RNF150: variants seen among roughly 807,000 people sequenced by gnomAD.
RNF150 encodes the protein ring finger protein 150.
In RNF150, 24 loss-of-function variants were observed where a neutral mutation model predicts 39.3. The ratio of observed to expected loss-of-function variants is 0.61; its 90% CI spans 0.44 to 0.86. The LOEUF (loss-of-function observed/expected upper bound fraction) is 0.86, where lower values mean the gene tolerates loss of function less well. Among genes scored for constraint, RNF150 ranks in the 40% least tolerant of loss-of-function variants. The pLI, the probability that RNF150 is intolerant of heterozygous loss-of-function variation, is 0.00. For missense variants in RNF150, 502 were observed against 587.8 expected, an observed-to-expected ratio of 0.85 and a Z score of 1.51; for synonymous variants, 255 against 227.3, an observed-to-expected ratio of 1.12 and a Z score of -1.10.
At position 140,861,539 on chromosome 4, in the gene RNF150, C is replaced by T. The variant is rs1728488839; in HGVS notation, c.*6722G>A. The T allele has an allele frequency of 6.6e-6, 1 of 152,194 alleles. No individual in the cohort carries two copies. Among genetic ancestry groups the T allele is most frequent in the African/African-American group, 2.4e-5 (1 of 41,464 alleles). The allele number at this position is 152,194 out of a possible 1,614,324, so 9.4% of individuals were successfully genotyped here. A position where few individuals can be genotyped will look rare whatever the true frequency, so the allele number is the denominator to read the frequency against. On this transcript the variant is annotated 3_prime_UTR_variant, in exon 7 of 7. Coordinates refer to ENST00000515673, the MANE Select transcript of RNF150 (RefSeq NM_020724.2). ...TGCTGCAAGAATAATTGCGATTACT[C>T]CAGCAGAGGGCACTCTGCTCCTTGC...
intron 1 of RNF150, among the ~76,000 whole-genome samples, chr4:141,066,242 A>AC (rs1491562940): frequency 2.6e-4 from 4 of 15,278 alleles, no homozygotes; most frequent in African/African-American, 4.2e-4. Context: ...TATATGTGCG[A>AC]AAAAAAAAAA....
chr4:141,018,871 T>C (rs1392760377), intron 1 of RNF150, among the ~76,000 whole-genome samples: 2 of 151,982 alleles, frequency 1.3e-5, no homozygotes, highest in Non-Finnish European at 2.9e-5. Flanking sequence ...CCTTATTTTT[T>C]GATTCAAAGA....
chr4:141,144,520 A>T (rs1266811567), intron 1 of RNF150, among the ~76,000 whole-genome samples: 1 of 150,054 alleles, frequency 6.7e-6, no homozygotes, highest in African/African-American at 2.4e-5. Context: ...ATGCAGGAGA[A>T]TTGCCTTGAA....
At chr4:141,191,140 A>T (rs1728104547) in intron 1 of RNF150, among the ~76,000 whole-genome samples, 1 of 152,154 alleles carries the variant, frequency 6.6e-6, no homozygotes. Context: ...GTCAGCTGTG[A>T]AGTGGTTGGC....
intron 4 of RNF150, among the ~76,000 whole-genome samples, chr4:140,945,721 T>G (rs1732281318): frequency 6.6e-6 from 1 of 151,354 alleles, no homozygotes; most frequent in Admixed American, 6.6e-5. Context: ...GCTAAAGTAA[T>G]GCTATGTATA....
chr4:140,929,305 TCA>T lies in RNF150; in HGVS notation c.891-3234_891-3233del, dbSNP rs1478185929. Among the ~76,000 whole-genome samples the T allele has an allele frequency of 6.0e-5, 9 of 149,338 alleles. No individual in the cohort carries two copies. In the East Asian group the frequency reaches 1.0e-3, roughly 17 times the overall value. On this transcript the variant is annotated intron_variant, in intron 4 of 6. Coordinates refer to ENST00000515673, the MANE Select transcript of RNF150 (RefSeq NM_020724.2). The stretch of plus-strand genomic sequence containing the variant: ...CACTGGTCGTTGTTCTCAAACACCC[TCA>T]GTTATTTCTCTCTATGCACTGGTCA...
chr4:140,922,181 C>T (rs921290725), intron 5 of RNF150, among the ~76,000 whole-genome samples: 5 of 151,656 alleles, frequency 3.3e-5, no homozygotes, highest in African/African-American at 9.7e-5. Context: ...GTCAAATTGT[C>T]CCTGTTTGCA....
intron 1 of RNF150, among the ~76,000 whole-genome samples, chr4:141,156,279 ATATT>A (rs1016662376): frequency 6.6e-6 from 1 of 152,010 alleles, no homozygotes; most frequent in Non-Finnish European, 1.5e-5. Flanking sequence ...AGATTATAGT[ATATT>A]TATTTATTTA....
intron 5 of RNF150, among the ~76,000 whole-genome samples, chr4:140,919,220 C>G (rs1410218247): frequency 7.0e-6 from 1 of 142,738 alleles, no homozygotes; most frequent in East Asian, 2.2e-4. Context: ...AAAGGGTATT[C>G]AATTAGGAAA....
rs1306328154 is a variant in RNF150, at chr4:140,920,938, C to CA, written c.987+5038dup. 2.0e-5 allele frequency among the ~76,000 whole-genome samples: 3 copies of CA among 151,752 alleles called. No individual in the cohort carries two copies. The East Asian group carries it at 5.9e-4, about 30-fold the overall frequency. On this transcript the variant is annotated intron_variant, in intron 5 of 6. Transcript: ENST00000515673. ...CATTCTGAGTAAACTATCACAAGAA[C>CA]AAAAAACCAAACACTGCATATTCTC...
intron 1 of RNF150, among the ~76,000 whole-genome samples, chr4:141,165,738 C>G (rs1032408227): frequency 6.6e-6 from 1 of 152,080 alleles, no homozygotes; most frequent in African/African-American, 2.4e-5. Context: ...TAAATAAGTT[C>G]TTGGAAGCCA....
intron 1 of RNF150, among the ~76,000 whole-genome samples, chr4:141,183,242 A>C (rs1006766812): frequency 2.3e-4 from 35 of 152,158 alleles, no homozygotes; most frequent in African/African-American, 6.5e-4. Flanking sequence ...AGGACACTTC[A>C]TAAGCTTAGG....
At chr4:141,174,514 C>A (rs1727776815) in intron 1 of RNF150, among the ~76,000 whole-genome samples, 3 of 152,078 alleles carry the variant, frequency 2.0e-5, no homozygotes, top group Admixed American at 2.0e-4. Flanking sequence ...TCTAGAATTG[C>A]AGCAAATAGC....
chr4:140,923,323 G>C lies in RNF150; in HGVS notation c.987+2654C>G, dbSNP rs578096234. ...AAAGTGGGCAAAGGATATGAACAGAGACTTCTCAAAAGAAGACATTTATGC... is the reference window on the plus strand; with the variant it reads ...AAAGTGGGCAAAGGATATGAACAGACACTTCTCAAAAGAAGACATTTATGC... On this transcript the variant is annotated intron_variant, in intron 5 of 6. Transcript: ENST00000515673. 4.4e-4 allele frequency among the ~76,000 whole-genome samples: 67 copies of C among 152,204 alleles called. 1 individual carries two copies. Among genetic ancestry groups the C allele is most frequent in the Admixed American group, 4.1e-3 (62 of 15,272 alleles).
At chr4:140,997,928 C>T (rs73858684) in intron 1 of RNF150, among the ~76,000 whole-genome samples, 11,512 of 151,978 alleles carry the variant, frequency 0.076, 495 homozygotes, top group Middle Eastern at 0.16. Flanking sequence ...GGAGACATAC[C>T]TTTCACTGTA....
intron 4 of RNF150, among the ~76,000 whole-genome samples, chr4:140,937,823 T>G (rs1731916497): frequency 6.6e-6 from 1 of 152,114 alleles, no homozygotes; most frequent in Admixed American, 6.5e-5. Flanking sequence ...AAGTTATTTT[T>G]AAAAAACACA....
In RNF150 at chr4:140,920,827, C is replaced by G. The variant is rs557549239; in HGVS notation, c.987+5150G>C. The stretch of plus-strand genomic sequence containing the variant: ...GATAGACTGGATTAAGAAAATGTGG[C>G]ACATATACACCATGGAATACTATGC... On this transcript the variant is annotated intron_variant, in intron 5 of 6. Coordinates refer to ENST00000515673, the MANE Select transcript of RNF150 (RefSeq NM_020724.2). 2.6e-3 allele frequency among the ~76,000 whole-genome samples: 399 copies of G among 150,984 alleles called. 14 individuals are homozygous for G. Among genetic ancestry groups the G allele is most frequent in the Admixed American group, 0.026 (393 of 15,134 alleles).
intron 1 of RNF150, among the ~76,000 whole-genome samples, chr4:141,012,195 G>A (rs541065289): frequency 2.0e-5 from 3 of 152,244 alleles, no homozygotes; most frequent in African/African-American, 7.2e-5. Flanking sequence ...CAAGGCAGCT[G>A]CTTCTCTTGG....
rs574164809 is a variant in RNF150 at position 140,877,763 on chromosome 4, A to C, written c.1199-9384T>G. 1.2e-4 allele frequency among the ~76,000 whole-genome samples: 19 copies of C among 152,362 alleles called. No homozygotes were observed. The East Asian group carries it at 3.5e-3, about 28-fold the overall frequency. On this transcript the variant is annotated intron_variant, in intron 6 of 6. Coordinates refer to ENST00000515673, the MANE Select transcript of RNF150 (RefSeq NM_020724.2). ...TGTAAATAAAATGTTAAGGAAACAA[A>C]GGTGTGGGGAAAATATCACCTCTAA... is the stretch of plus-strand genomic sequence containing the variant.
Sources: allele counts gnomAD v4.1 joint callset (sites outside exome capture counted in the v4.1 genomes callset), GRCh38; gene constraint gnomAD v4.1.1; transcripts MANE v1.5; gene names NCBI Gene and HGNC (gene_info 2026-07-23, HGNC 2026-07-21).